The following STON2 variants were observed in gnomAD, a reference collection of about 807,000 sequenced individuals.
STON2 encodes the protein stonin 2.
STON2 carries 29 observed loss-of-function variants against 65.7 expected under a neutral mutation model. That is an observed-to-expected ratio of 0.44 (90% CI 0.33 to 0.60). The LOEUF (loss-of-function observed/expected upper bound fraction) is 0.60. Among genes scored for constraint, STON2 ranks in the 20% least tolerant of loss-of-function variants. STON2 has a pLI of 0.03. For synonymous variants in STON2, 404 were observed against 414.2 expected, an observed-to-expected ratio of 0.98 and a Z score of 0.30; for missense variants, 1,054 against 1,118.1, an observed-to-expected ratio of 0.94 and a Z score of 0.82.
chr14:81,297,800 A>T (rs562095626), intron 5 of STON2, among the ~76,000 whole-genome samples: 4 of 152,364 alleles, frequency 2.6e-5, no homozygotes, highest in South Asian at 4.1e-4. Flanking sequence ...GCACTTCGGG[A>T]GGCCGAGACG....
At chr14:81,304,149 TC>T (rs1896078399) in intron 5 of STON2, among the ~76,000 whole-genome samples, 1 of 152,198 alleles carries the variant, frequency 6.6e-6, no homozygotes. Flanking sequence ...ACGTATCTCA[TC>T]TTTCTAATTA....
chr14:81,329,786 G>A lies in STON2; in HGVS notation c.572-5599C>T, dbSNP rs745764023. On this transcript the variant is annotated intron_variant, in intron 4 of 7. Transcript: ENST00000614646. Reference sequence around the variant, plus strand: ...AGTGGGAAAGAGAGAGAAGGGGGTGGGGGAAATCCTAGACAGGAGAACCTG... The same window carrying A: ...AGTGGGAAAGAGAGAGAAGGGGGTGAGGGAAATCCTAGACAGGAGAACCTG... 8.9e-4 allele frequency among the ~76,000 whole-genome samples: 135 copies of A among 152,236 alleles called. 1 individual carries two copies. The highest frequency in any genetic ancestry group is 2.2e-3 in the Admixed American group (34 of 15,284).
chr14:81,304,124 A>G (rs1192273174), intron 5 of STON2, among the ~76,000 whole-genome samples: 1 of 152,162 alleles, frequency 6.6e-6, no homozygotes, highest in Admixed American at 6.5e-5. Context: ...TGTAGAGTCA[A>G]ATAGTTGTTC....
intron 4 of STON2, among the ~76,000 whole-genome samples, chr14:81,359,486 A>C (rs552066626): frequency 5.9e-5 from 9 of 152,330 alleles, no homozygotes; most frequent in African/African-American, 2.2e-4. Flanking sequence ...GAGAAAGCTG[A>C]ACAAACTAAG....
Position 81,262,541 on chromosome 14 carries a change from C to T in STON2, c.*5873G>A, listed in dbSNP as rs184654736. Reference sequence around the variant, plus strand: ...TACCCAATGCTGATTTGTCATCTCTCTAGATTTTACTTTTTCATATTGAAA... The same window carrying T: ...TACCCAATGCTGATTTGTCATCTCTTTAGATTTTACTTTTTCATATTGAAA... On this transcript the variant is annotated 3_prime_UTR_variant, in exon 8 of 8. Transcript: ENST00000614646. The T allele has an allele frequency of 1.8e-4, 173 of 985,326 alleles. No homozygotes were observed. The highest frequency in any genetic ancestry group is 1.6e-3 in the Middle Eastern group (3 of 1,914). The allele number at this position is 985,326 out of a possible 1,614,324, so 61.0% of individuals were successfully genotyped here.
intron 3 of STON2, among the ~76,000 whole-genome samples, chr14:81,387,326 T>C (rs1330623901): frequency 2.0e-5 from 3 of 152,148 alleles, no homozygotes; most frequent in Admixed American, 6.5e-5. Flanking sequence ...TGAACAGTGT[T>C]CTTGTGGCTA....
intron 4 of STON2, among the ~76,000 whole-genome samples, chr14:81,338,809 C>G (rs897946195): frequency 2.0e-5 from 3 of 152,134 alleles, no homozygotes; most frequent in African/African-American, 7.2e-5. Context: ...AGAGGTGAAA[C>G]ATTCTGTATT....
intron 5 of STON2, among the ~76,000 whole-genome samples, chr14:81,282,968 T>C (rs930433636): frequency 1.3e-5 from 2 of 152,236 alleles, no homozygotes; most frequent in African/African-American, 2.4e-5. Context: ...TTTACTAATT[T>C]ATTAAAATAA....
rs140343432 is a variant in STON2 at position 81,304,682 on chromosome 14, C to T, written c.742+19335G>A. The stretch of plus-strand genomic sequence containing the variant: ...GGCGGGGGTTGCAGTGAGCCAAGAT[C>T]GCGCCACTGCACTCCAGCCTGGGTG... On this transcript the variant is annotated intron_variant, in intron 5 of 7. Coordinates refer to ENST00000614646, the MANE Select transcript of STON2 (RefSeq NM_001394390.1). 5.1e-3 allele frequency among the ~76,000 whole-genome samples: 771 copies of T among 152,128 alleles called. 8 individuals carry two copies. Among genetic ancestry groups the T allele is most frequent in the Middle Eastern group, 0.024 (7 of 294 alleles).
Position 81,278,073 on chromosome 14 carries a change from T to A in STON2, c.1409A>T (p.Asp470Val). 6.2e-7 allele frequency: 1 copy of A among 1,614,158 alleles called. No individual in the cohort carries two copies. The change falls in exon 6 of 8, where the codon GAT becomes GTT. Residue 470 changes from aspartate to valine, a missense_variant. Asp to Val is a radical substitution (Grantham distance 152, BLOSUM62 -3). Transcript: ENST00000614646. ...CCGTGCTGATCCAGGCGGGTGAGCA[T>A]CTAGTTCAATCCAGGCTACTGGGTC... ...DDDPVAWIEL[D>V]AHPPGSARSQ...
intron 4 of STON2, among the ~76,000 whole-genome samples, chr14:81,326,663 C>T (rs72701722): frequency 0.01 from 1,551 of 152,276 alleles, 15 homozygotes; most frequent in Non-Finnish European, 0.016. Flanking sequence ...CTGCCTGCCT[C>T]CTTAGAATTA....
At chr14:81,400,033 C>CATATACAGTACATAT (rs1900526079) in intron 1 of STON2, among the ~76,000 whole-genome samples, 1 of 152,174 alleles carries the variant, frequency 6.6e-6, no homozygotes, top group Non-Finnish European at 1.5e-5. Flanking sequence ...AGAAGTACAA[C>CATATACAGTACATAT]AGAATACAGT....
chr14:81,366,770 C>T (rs1030330171), intron 4 of STON2, among the ~76,000 whole-genome samples: 24 of 151,846 alleles, frequency 1.6e-4, no homozygotes, highest in African/African-American at 5.8e-4. Context: ...ACAGAGGAGT[C>T]GACAGTAATT....
chr14:81,326,884 G>T (rs1464712317), intron 4 of STON2, among the ~76,000 whole-genome samples: 2 of 152,236 alleles, frequency 1.3e-5, no homozygotes, highest in East Asian at 1.9e-4. Context: ...ATTGATTTGG[G>T]GTGTACAGTT....
At chr14:81,327,670 A>T (rs1234031374) in intron 4 of STON2, among the ~76,000 whole-genome samples, 2 of 152,122 alleles carry the variant, frequency 1.3e-5, no homozygotes, top group Non-Finnish European at 2.9e-5. Context: ...ATTAATATTA[A>T]AGGCTTATAC....
At chr14:81,434,965 C>G (rs1227910885) in intron 1 of STON2, among the ~76,000 whole-genome samples, 1 of 152,064 alleles carries the variant, frequency 6.6e-6, no homozygotes, top group Non-Finnish European at 1.5e-5. Context: ...CTCTCTCTCT[C>G]TTTCTCCCTC....
At chr14:81,434,531 CA>C (rs1902337409) in intron 1 of STON2, among the ~76,000 whole-genome samples, 1 of 152,142 alleles carries the variant, frequency 6.6e-6, no homozygotes, top group Non-Finnish European at 1.5e-5. Context: ...AGGCTCCTGG[CA>C]AAAGCACAAG....
upstream of STON2, among the ~76,000 whole-genome samples, chr14:81,403,490 T>C (rs570845819): frequency 5.9e-5 from 9 of 152,310 alleles, no homozygotes; most frequent in East Asian, 1.7e-3. Flanking sequence ...CAACGGCTGC[T>C]AGAATATTGA....
At chr14:81,413,915 A>C in intron 2 of STON2, among the ~76,000 whole-genome samples, 1 of 140,752 alleles carries the variant, frequency 7.1e-6, no homozygotes, top group Middle Eastern at 3.5e-3. Context: ...AAGCTTTCTT[A>C]CTGTTTTAAT....
Sources: allele counts gnomAD v4.1 joint callset (sites outside exome capture counted in the v4.1 genomes callset), GRCh38; gene constraint gnomAD v4.1.1; transcripts MANE v1.5; gene names NCBI Gene and HGNC (gene_info 2026-07-23, HGNC 2026-07-21).